Variants in TRMT11 observed in about 807,000 individuals in gnomAD.
TRMT11 encodes tRNA (guanine(10)-N(2))-methyltransferase TRMT11.
A neutral mutation model predicts 62.8 loss-of-function variants in TRMT11; 53 were observed. That is an observed-to-expected ratio of 0.84 (90% CI 0.68 to 1.06). The LOEUF is 1.06. Ranked by LOEUF, TRMT11 falls within the 50% of genes least tolerant of loss-of-function variation. The pLI is 0.00. For missense variants in TRMT11, 556 were observed against 553.4 expected (o/e 1.00, Z -0.05); for synonymous variants, 188 against 190.3 (o/e 0.99, Z 0.10).
intron 21 of TRMT11, among the ~76,000 whole-genome samples, chr6:126,171,364 TG>T (rs1308403104): frequency 6.6e-6 from 1 of 151,958 alleles, no homozygotes; most frequent in Non-Finnish European, 1.5e-5. Context: ...CTAAGAGTCT[TG>T]GGGGTGGTGG....
At chr6:126,246,829 A>G in the TRMT11 span, among the ~76,000 whole-genome samples, 2 of 152,214 alleles carry the variant, frequency 1.3e-5, no homozygotes, top group South Asian at 4.1e-4. Context: ...AAGGTAATAA[A>G]TTTATAGTAG....
chr6:126,258,857 A>G, the TRMT11 span, among the ~76,000 whole-genome samples: 1 of 152,122 alleles, frequency 6.6e-6, no homozygotes, highest in African/African-American at 2.4e-5. Flanking sequence ...TCAGGAGTAC[A>G]CGTGCAGGTT....
At chr6:126,102,005 T>G (rs182202189) in intron 17 of TRMT11, among the ~76,000 whole-genome samples, 67 of 152,350 alleles carry the variant, frequency 4.4e-4, no homozygotes, top group African/African-American at 1.5e-3. Context: ...GACTCACATA[T>G]GCCTCATGTT....
At chr6:126,030,692 T>G (rs988110035) in intron 12 of TRMT11, among the ~76,000 whole-genome samples, 1 of 152,156 alleles carries the variant, frequency 6.6e-6, no homozygotes. Flanking sequence ...AGGTTAATAC[T>G]AGGGAGGTAG....
At chr6:126,024,190 A>G (rs994188057) in intron 12 of TRMT11, among the ~76,000 whole-genome samples, 12 of 152,208 alleles carry the variant, frequency 7.9e-5, no homozygotes, top group African/African-American at 2.7e-4. Flanking sequence ...GCTTTTATTT[A>G]CCTTATCCAG....
intron 21 of TRMT11, among the ~76,000 whole-genome samples, chr6:126,124,852 T>A (rs1294199651): frequency 6.6e-6 from 1 of 152,082 alleles, no homozygotes; most frequent in African/African-American, 2.4e-5. Context: ...GTTATGTGAT[T>A]GTTTGCTATA....
At chr6:126,206,322 A>G (rs1331201015), downstream of TRMT11, among the ~76,000 whole-genome samples, 1 of 152,146 alleles carries the variant, frequency 6.6e-6, no homozygotes, top group Non-Finnish European at 1.5e-5. Flanking sequence ...TCATTTTAAC[A>G]AGATCTTAGG....
intron 17 of TRMT11, among the ~76,000 whole-genome samples, chr6:126,109,943 T>C (rs1777511708): frequency 6.6e-6 from 1 of 152,148 alleles, no homozygotes; most frequent in Non-Finnish European, 1.5e-5. Context: ...GCACCAAGCA[T>C]GACTTGAAGA....
Position 125,999,488 on chromosome 6 carries a change from C to T in TRMT11, c.554C>T (p.Ser185Leu), listed in dbSNP as rs1792125741. 6.2e-7 allele frequency: 1 copy of T among 1,609,460 alleles called. No homozygotes were observed. The highest frequency in any genetic ancestry group is 1.7e-5 in the Admixed American group (1 of 59,802). ...GATGGACAGAGAGAGCTTATTGAGTCATACAGTGTCAAAAAGAGACACTTT... is the reference window on the plus strand; with the variant it reads ...GATGGACAGAGAGAGCTTATTGAGTTATACAGTGTCAAAAAGAGACACTTT... ...IADGQRELIE[S>L]YSVKKRHFIG... Residue 185 changes from serine to leucine, a missense_variant, in exon 7 of 13, where the codon TCA becomes TTA. Physicochemically the swap from Ser to Leu is moderately radical, Grantham distance 145. Transcript: ENST00000334379.
chr6:125,995,504 G>A (rs1358276597), intron 2 of TRMT11, among the ~76,000 whole-genome samples: 1 of 152,142 alleles, frequency 6.6e-6, no homozygotes, highest in Non-Finnish European at 1.5e-5. Context: ...TGTACCTCAT[G>A]ATTTTCTATC....
At chr6:126,004,330 A>G (rs772127651) in intron 7 of TRMT11, among the ~76,000 whole-genome samples, 10 of 152,068 alleles carry the variant, frequency 6.6e-5, no homozygotes, top group Non-Finnish European at 1.2e-4. Context: ...AGTGGGTAGT[A>G]TATTTGGAAC....
intron 17 of TRMT11, among the ~76,000 whole-genome samples, chr6:126,075,615 A>G (rs1443130053): frequency 1.3e-5 from 2 of 152,064 alleles, no homozygotes; most frequent in Non-Finnish European, 1.5e-5. Flanking sequence ...CCATGAGCCA[A>G]TTAAACCTCT....
At chr6:126,025,692 T>C (rs955520602) in intron 12 of TRMT11, among the ~76,000 whole-genome samples, 4 of 152,204 alleles carry the variant, frequency 2.6e-5, no homozygotes, top group African/African-American at 9.6e-5. Context: ...TGTCAAACAG[T>C]CCTCACACAC....
intron 21 of TRMT11, among the ~76,000 whole-genome samples, chr6:126,146,394 G>A (rs540568360): frequency 1.3e-5 from 2 of 152,208 alleles, no homozygotes; most frequent in South Asian, 4.2e-4. Flanking sequence ...ATTAGGCGAT[G>A]GATTCAAATT....
chr6:126,066,715 T>C (rs865780353), intron 17 of TRMT11, among the ~76,000 whole-genome samples: 1 of 152,106 alleles, frequency 6.6e-6, no homozygotes, highest in African/African-American at 2.4e-5. Context: ...TGCCTAGAGA[T>C]GCTTGTAAGC....
intron 2 of TRMT11, among the ~76,000 whole-genome samples, chr6:125,994,861 A>G (rs1204883074): frequency 6.6e-6 from 1 of 152,252 alleles, no homozygotes; most frequent in African/African-American, 2.4e-5. Context: ...CATTATCCTC[A>G]GCAAACTAAT....
At chr6:126,217,070 G>A in the TRMT11 span, among the ~76,000 whole-genome samples, 15 of 152,086 alleles carry the variant, frequency 9.9e-5, no homozygotes, top group Non-Finnish European at 2.1e-4. Context: ...TTCAACTCCC[G>A]AATTGCTGCT....
chr6:126,084,479 A>G (rs968908482), intron 17 of TRMT11, among the ~76,000 whole-genome samples: 1 of 152,078 alleles, frequency 6.6e-6, no homozygotes, highest in African/African-American at 2.4e-5. Flanking sequence ...ATTTTGGAAT[A>G]TTAACCCCTT....
At chr6:126,157,033 G>C (rs968733378) in intron 21 of TRMT11, among the ~76,000 whole-genome samples, 2 of 152,132 alleles carry the variant, frequency 1.3e-5, no homozygotes, top group Non-Finnish European at 2.9e-5. Context: ...AAAGGTTTTT[G>C]ATAGGGCCAG....
Sources: gnomAD v4.1 joint callset for allele counts (sites outside exome capture counted in the v4.1 genomes callset) on GRCh38, gnomAD v4.1.1 for gene constraint, MANE v1.5 for transcripts, NCBI Gene and HGNC (gene_info 2026-07-23, HGNC 2026-07-21) for gene names.